KHDRBS2: variants seen among roughly 807,000 people sequenced by gnomAD.
KHDRBS2 encodes KH domain-containing, RNA-binding, signal transduction-associated protein 2.
A neutral mutation model predicts 44.3 loss-of-function variants in KHDRBS2; 26 were observed. That is an observed-to-expected ratio of 0.59 (90% confidence interval 0.43 to 0.81). KHDRBS2 has a LOEUF of 0.81. Among genes scored for constraint, KHDRBS2 ranks in the 40% least tolerant of loss-of-function variants. KHDRBS2 has a pLI of 0.00. For missense variants in KHDRBS2, 476 were observed against 433.1 expected (o/e 1.10, Z -0.88); for synonymous variants, 194 against 151.1 (o/e 1.28, Z -2.08).
At chr6:61,865,771 G>A (rs1177094280) in intron 6 of KHDRBS2, among the ~76,000 whole-genome samples, 1 of 152,142 alleles carries the variant, frequency 6.6e-6, no homozygotes, top group Non-Finnish European at 1.5e-5. Flanking sequence ...TTCCATCTAT[G>A]AGCCTGGGAT....
At chr6:61,824,117 A>T (rs1273322122) in intron 6 of KHDRBS2, among the ~76,000 whole-genome samples, 3 of 152,140 alleles carry the variant, frequency 2.0e-5, no homozygotes, top group Admixed American at 6.6e-5. Flanking sequence ...GTTTACAATA[A>T]ACAAAGCTCT....
intron 2 of KHDRBS2, among the ~76,000 whole-genome samples, chr6:62,067,055 A>G (rs1562775502): frequency 6.6e-6 from 1 of 151,534 alleles, no homozygotes; most frequent in South Asian, 2.1e-4. Flanking sequence ...TTAAGGAACA[A>G]CAGCAAACTG....
intron 6 of KHDRBS2, among the ~76,000 whole-genome samples, chr6:61,844,977 T>C (rs1794167134): frequency 6.6e-6 from 1 of 152,172 alleles, no homozygotes; most frequent in African/African-American, 2.4e-5. Flanking sequence ...CTTTATATTG[T>C]TTTTGCTGCA....
At chr6:61,850,238 C>T (rs1795231188) in intron 6 of KHDRBS2, among the ~76,000 whole-genome samples, 1 of 151,822 alleles carries the variant, frequency 6.6e-6, no homozygotes, top group Admixed American at 6.6e-5. Context: ...TAGGCAAATG[C>T]CTAGTCCAAG....
chr6:62,096,432 T>C (rs1374608945), intron 2 of KHDRBS2, among the ~76,000 whole-genome samples: 4 of 151,952 alleles, frequency 2.6e-5, no homozygotes, highest in South Asian at 2.1e-4. Context: ...TATCTATTTA[T>C]TCATGATTCA....
At chr6:61,961,174 G>A (rs2653937) in intron 4 of KHDRBS2, among the ~76,000 whole-genome samples, 99,892 of 151,950 alleles carry the variant, frequency 0.66, 33,000 homozygotes, top group African/African-American at 0.73. Flanking sequence ...ACTTTCATTC[G>A]TTGATTAAGC....
chr6:61,627,019 C>T, the KHDRBS2 span, among the ~76,000 whole-genome samples: 1 of 151,916 alleles, frequency 6.6e-6, no homozygotes, highest in East Asian at 1.9e-4. Flanking sequence ...TTTGGGAGGC[C>T]GAGGCGGGAG....
chr6:61,735,462 A>T (rs558064708), intron 6 of KHDRBS2, among the ~76,000 whole-genome samples: 2 of 152,254 alleles, frequency 1.3e-5, no homozygotes, highest in South Asian at 4.1e-4. Flanking sequence ...GCATTTATGA[A>T]TTTTGTAGCT....
At position 62,045,355 on chromosome 6, in the gene KHDRBS2, G is replaced by C. The variant is rs6924433; in HGVS notation, c.336+2523C>G. Among the ~76,000 whole-genome samples, 584 of 152,024 alleles carry C rather than the reference G, an allele frequency of 3.8e-3. 2 individuals carry two copies. The highest frequency in any genetic ancestry group is 0.014 in the African/African-American group (565 of 41,516). On this transcript the variant is annotated intron_variant, in intron 3 of 8. Coordinates refer to ENST00000281156, the MANE Select transcript of KHDRBS2 (RefSeq NM_152688.4). ...ATTCTCCCTCAGGGCCGTCACACTT[G>C]GCATTCTCTCTCCTTTCTGATATTT...
At chr6:62,005,799 A>G (rs1229503743) in intron 3 of KHDRBS2, among the ~76,000 whole-genome samples, 1 of 151,956 alleles carries the variant, frequency 6.6e-6, no homozygotes, top group African/African-American at 2.4e-5. Flanking sequence ...GATAAAGCAG[A>G]TATCAAAACC....
At chr6:61,612,966 C>T in the KHDRBS2 span, among the ~76,000 whole-genome samples, 2 of 150,704 alleles carry the variant, frequency 1.3e-5, no homozygotes, top group Non-Finnish European at 2.9e-5. Context: ...CATTTTCCTG[C>T]CTCAGCCTCC....
chr6:61,986,564 G>A (rs1340222570), intron 3 of KHDRBS2, among the ~76,000 whole-genome samples: 1 of 152,040 alleles, frequency 6.6e-6, no homozygotes, highest in Non-Finnish European at 1.5e-5. Context: ...AGAAAGATAA[G>A]GAAAAATAAA....
intron 2 of KHDRBS2, among the ~76,000 whole-genome samples, chr6:62,055,057 A>C (rs1403423430): frequency 6.6e-6 from 1 of 152,032 alleles, no homozygotes; most frequent in African/African-American, 2.4e-5. Context: ...CTAGAAGAAA[A>C]TTTTCTAATA....
chr6:61,587,260 T>C, the KHDRBS2 span, among the ~76,000 whole-genome samples: 1 of 152,168 alleles, frequency 6.6e-6, no homozygotes, highest in Admixed American at 6.5e-5. Flanking sequence ...CTAGCATGCG[T>C]ATGAATTGTG....
At chr6:61,647,773 A>G in the KHDRBS2 span, among the ~76,000 whole-genome samples, 1 of 152,166 alleles carries the variant, frequency 6.6e-6, no homozygotes, top group Non-Finnish European at 1.5e-5. Flanking sequence ...ATTAGCCTCC[A>G]TGATCTTTTA....
the KHDRBS2 span, among the ~76,000 whole-genome samples, chr6:61,562,506 GT>G: frequency 2.0e-5 from 3 of 152,180 alleles, no homozygotes; most frequent in East Asian, 5.8e-4. Context: ...TTTTCTTAGA[GT>G]TTTTACTCTT....
chr6:61,720,046 G>A (rs1772139599), intron 7 of KHDRBS2, among the ~76,000 whole-genome samples: 1 of 151,916 alleles, frequency 6.6e-6, no homozygotes, highest in Non-Finnish European at 1.5e-5. Context: ...TTTTGTTCTT[G>A]CGATAGTTTA....
At chr6:62,193,188 A>C (rs1824964530) in intron 1 of KHDRBS2, among the ~76,000 whole-genome samples, 1 of 152,062 alleles carries the variant, frequency 6.6e-6, no homozygotes, top group Non-Finnish European at 1.5e-5. Context: ...ATACACATTT[A>C]TATTTATATA....
At chr6:62,027,743 T>C (rs1256324315) in intron 3 of KHDRBS2, among the ~76,000 whole-genome samples, 3 of 152,072 alleles carry the variant, frequency 2.0e-5, no homozygotes, top group Non-Finnish European at 4.4e-5. Context: ...AGAGCATTCA[T>C]GTTGTTGAAC....
Sources: allele counts gnomAD v4.1 joint callset (sites outside exome capture counted in the v4.1 genomes callset), GRCh38; gene constraint gnomAD v4.1.1; transcripts MANE v1.5; gene names NCBI Gene and HGNC (gene_info 2026-07-23, HGNC 2026-07-21).